MBD6: variants seen among roughly 807,000 people sequenced by gnomAD.
MBD6 encodes methyl-CpG-binding domain protein 6.
MBD6 carries 22 observed loss-of-function variants against 66.8 expected under a neutral mutation model. That is an observed-to-expected ratio of 0.33 (90% CI 0.24 to 0.47). MBD6 has a LOEUF of 0.47. Among genes scored for constraint, MBD6 ranks in the 20% least tolerant of loss-of-function variants. The pLI, the probability that MBD6 is intolerant of heterozygous loss-of-function variation, is 1.00. For missense variants in MBD6, 1,322 were observed against 1,286.9 expected (o/e 1.03, Z -0.42); for synonymous variants, 540 against 534.6 (o/e 1.01, Z -0.14).
rs1878998958 is a variant in MBD6, at chr12:57,526,758, T to C, written c.1613T>C (p.Leu538Pro). The change falls in exon 7 of 13, where the codon CTT becomes CCT. Residue 538 changes from leucine (L) to proline (P), a missense_variant. By Grantham distance (98) the Leu-to-Pro change is moderately conservative. Transcript: ENST00000355673. ...AGTGGAGCTGGCTTCCCTGGGATGC[T>C]TGGGGCCTTGCCTCTCCCTCTGAGT... Reference protein sequence around the residue: ...ALSGAGFPGMLGALPLPLSLG... With the variant: ...ALSGAGFPGMPGALPLPLSLG... The C allele has an allele frequency of 3.1e-6, 5 of 1,587,422 alleles. No homozygotes were observed. Among genetic ancestry groups the C allele is most frequent in the Admixed American group, 1.7e-5 (1 of 58,226 alleles).
chr12:57,527,698 G>GA, intron 8 of MBD6, 38 bp downstream of exon 8: 1 of 1,558,614 alleles, frequency 6.4e-7, no homozygotes, highest in Non-Finnish European at 8.7e-7. Context: ...CTCTTGGTGT[G>GA]AAAAAGCAGG....
At chr12:57,530,688 C>T, downstream of MBD6, 2 of 1,613,440 alleles carry the variant, frequency 1.2e-6, no homozygotes, top group South Asian at 2.2e-5. Context: ...CCCAAATGTG[C>T]TCACTTTCCC....
chr12:57,531,023 C>T (rs1382764952), downstream of MBD6, among the ~76,000 whole-genome samples: 2 of 152,170 alleles, frequency 1.3e-5, no homozygotes, highest in African/African-American at 4.8e-5. Flanking sequence ...TTTTTAAAAT[C>T]TGTTTTATGT....
At position 57,526,226 on chromosome 12, in the gene MBD6, A is replaced by C; in HGVS notation, c.1258A>C (p.Thr420Pro). Residue 420 changes from threonine to proline, a missense_variant, in exon 6 of 13, where the codon ACC becomes CCC. Thr to Pro is a conservative substitution (Grantham distance 38, BLOSUM62 -1). Coordinates refer to ENST00000355673, the MANE Select transcript of MBD6 (RefSeq NM_052897.4). The stretch of plus-strand genomic sequence containing the variant: ...TGTGCTGTCCCTGCTGGGACTCCCC[A>C]CCCCTGGCCCTTCCCACTCTGATGG... The part of the protein sequence containing the change: ...PSVLSLLGLP[T>P]PGPSHSDGSF... 6.2e-7 allele frequency: 1 copy of C among 1,612,814 alleles called. No homozygotes were observed. The highest frequency in any genetic ancestry group is 1.1e-5 in the South Asian group (1 of 91,036).
chr12:57,527,286 G>A (rs1403778739), intron 7 of MBD6, 59 bp downstream of exon 7: 5 of 1,219,118 alleles, frequency 4.1e-6, no homozygotes, highest in Non-Finnish European at 5.6e-6. Context: ...GATGGGAGCT[G>A]GGAATCAAAA....
chr12:57,525,452 G>A lies in MBD6; in HGVS notation c.484G>A (p.Gly162Ser). The A allele has an allele frequency of 1.3e-6, 2 of 1,536,912 alleles. No homozygotes were observed. The highest frequency in any genetic ancestry group is 2.6e-5 in the South Asian group (2 of 77,078). Residue 162 changes from glycine to serine, a missense_variant, in exon 6 of 13, where the codon GGC becomes AGC. Physicochemically the swap from Gly to Ser is moderately conservative, Grantham distance 56. Transcript: ENST00000355673. ...TACAACTCCACTTAATGGGGGTCCT[G>A]GCTCCCTTCCCCCAGAACCACCCTC... ...PPTTPLNGGP[G>S]SLPPEPPSVS...
chr12:57,525,436 A>G lies in MBD6; in HGVS notation c.468A>G (p.Pro156=). The part of the protein sequence containing the change: ...RPPCRVPPTT[P]LNGGPGSLPP... ...CCTGTCGAGTTCCTCCTACAACTCC[A>G]CTTAATGGGGGTCCTGGCTCCCTTC... Residue 156 remains proline (P), a synonymous_variant, in exon 6 of 13, where the codon CCA becomes CCG. Transcript: ENST00000355673. 6.5e-7 allele frequency: 1 copy of G among 1,534,118 alleles called. No individual in the cohort carries two copies. The highest frequency in any genetic ancestry group is 1.3e-5 in the South Asian group (1 of 76,644).
rs1403350446 is a variant in MBD6 at position 57,528,182 on chromosome 12, C to T, written c.2442C>T (p.Pro814=). 1 of 1,609,646 alleles carries T rather than the reference C, an allele frequency of 6.2e-7. No individual in the cohort carries two copies. Among genetic ancestry groups the T allele is most frequent in the South Asian group, 1.1e-5 (1 of 90,822 alleles). Residue 814 remains proline (P), a synonymous_variant, in exon 10 of 13, where the codon CCC becomes CCT. Transcript: ENST00000355673. Reference sequence around the variant, plus strand: ...AGCAGCCAGAAGCCCCCTGTCTACCCCCCGAGAGCCCTGCCTCAGCCCTCG... The same window carrying T: ...AGCAGCCAGAAGCCCCCTGTCTACCTCCCGAGAGCCCTGCCTCAGCCCTCG... ...PPEQPEAPCL[P]PESPASALEP...
Position 57,528,023 on chromosome 12 carries a change from G to A in MBD6, c.2406+6G>A, listed in dbSNP as rs374480828. ...GCCTGCTACAGAGTCTCCAGGTGAG[G>A]GTGTGGGCATATATTTGTCAGGGAG... On this transcript the variant is annotated splice_donor_region_variant and intron_variant, in intron 9 of 12. Transcript: ENST00000355673. The A allele has an allele frequency of 3.3e-6, 5 of 1,534,206 alleles. No homozygotes were observed. The African/African-American group carries it at 5.6e-5, about 17-fold the overall frequency.
chr12:57,524,920 T>C, intron 4 of MBD6, 33 bp from the exon 5 acceptor site: 3 of 1,603,074 alleles, frequency 1.9e-6, no homozygotes, highest in Non-Finnish European at 8.5e-7. Context: ...TTCCAGCCCC[T>C]CAGGGTCCCT....
chr12:57,529,034 G>A lies in MBD6; in HGVS notation c.2937+25G>A, dbSNP rs767536353. The A allele has an allele frequency of 3.7e-6, 6 of 1,613,942 alleles. No homozygotes were observed. The African/African-American group carries it at 5.3e-5, about 14-fold the overall frequency. On this transcript the variant is annotated intron_variant, in intron 12 of 12. Transcript: ENST00000355673. ...AGTAAGTGTGTGTTTGGGTGGATGG[G>A]TGGATGGGTAGGGTGTAAGGGATGA...
chr12:57,524,939 T>G lies in MBD6; in HGVS notation c.217-14T>G, dbSNP rs1291804210. The G allele has an allele frequency of 1.2e-6, 2 of 1,600,540 alleles. No homozygotes were observed. Among genetic ancestry groups the G allele is most frequent in the East Asian group, 4.5e-5 (2 of 44,642 alleles). ...AGCCCCTCAGGGTCCCTGTCCTTGC[T>G]TTCCACCTTACAGGTTTTCAACTTT... On this transcript the variant is annotated splice_polypyrimidine_tract_variant and intron_variant, in intron 4 of 12. Transcript: ENST00000355673.
At position 57,529,586 on chromosome 12, in the gene MBD6, G is replaced by A. The variant is rs952677101; in HGVS notation, c.*352G>A. The A allele has an allele frequency of 4.8e-6, 1 of 209,110 alleles. No homozygotes were observed. The highest frequency in any genetic ancestry group is 1.0e-4 in the South Asian group (1 of 9,910). The allele number at this position is 209,110 out of a possible 1,614,324, so 13.0% of individuals were successfully genotyped here. A position where few individuals can be genotyped will look rare whatever the true frequency, so the allele number is the denominator to read the frequency against. Reference sequence around the variant, plus strand: ...CAAATGACTCTTTTATATTTAATTCGATTTCATTGCCTCCCTTCTTAAAGC... The same window carrying A: ...CAAATGACTCTTTTATATTTAATTCAATTTCATTGCCTCCCTTCTTAAAGC... On this transcript the variant is annotated 3_prime_UTR_variant, in exon 13 of 13. Transcript: ENST00000355673.
rs1196615323 is a variant in MBD6, at chr12:57,528,703, G to A, written c.2858G>A (p.Arg953His). 14 of 1,614,080 alleles carry A rather than the reference G, an allele frequency of 8.7e-6. No individual in the cohort carries two copies. The highest frequency in any genetic ancestry group is 1.0e-5 in the Non-Finnish European group (12 of 1,180,044). Residue 953 changes from arginine to histidine, a missense_variant, in exon 11 of 13, where the codon CGT becomes CAT. Transcript: ENST00000355673. ...GTAGTCAGAAAGTCTCGTCGTGGCC[G>A]TAGGAGAAAATACAAGTGAGTGTTG... ...PGVVRKSRRG[R>H]RRKYNPTRNS...
upstream of MBD6, among the ~76,000 whole-genome samples, chr12:57,522,529 C>T (rs1208040200): frequency 1.3e-5 from 2 of 149,396 alleles, no homozygotes; most frequent in Non-Finnish European, 3.0e-5. Flanking sequence ...CACCAGTGGC[C>T]TGGGAAGAGG....
rs1176611618 is a variant in MBD6 at position 57,529,918 on chromosome 12, C to T, written c.*684C>T. 2 of 152,874 alleles carry T rather than the reference C, an allele frequency of 1.3e-5. No homozygotes were observed. The highest frequency in any genetic ancestry group is 1.3e-4 in the Admixed American group (2 of 15,300). 9.5% of individuals were successfully genotyped at this position (152,874 alleles called of 1,614,324 possible). On this transcript the variant is annotated 3_prime_UTR_variant, in exon 13 of 13. Coordinates refer to ENST00000355673, the MANE Select transcript of MBD6 (RefSeq NM_052897.4). ...ACACACTACACTGCCCCTTCTCCCC[C>T]CATCAAAACGCTCAGAGACGTTGTG...
Position 57,526,408 on chromosome 12 carries a change from C to G in MBD6, c.1420+20C>G. On this transcript the variant is annotated intron_variant, in intron 6 of 12. Coordinates refer to ENST00000355673, the MANE Select transcript of MBD6 (RefSeq NM_052897.4). ...TGCCAGGTATGTGAGTATTGTGGAGCCCTTCCTCATCCTGGCTGGAAAGAG... is the reference window on the plus strand; with the variant it reads ...TGCCAGGTATGTGAGTATTGTGGAGGCCTTCCTCATCCTGGCTGGAAAGAG... 1 of 1,549,368 alleles carries G rather than the reference C, an allele frequency of 6.5e-7. No individual in the cohort carries two copies. The highest frequency in any genetic ancestry group is 8.7e-7 in the Non-Finnish European group (1 of 1,147,740).
At chr12:57,528,619 G>C (rs1487825444) in intron 10 of MBD6, 47 bp from the exon 11 acceptor site, 1 of 1,613,516 alleles carries the variant, frequency 6.2e-7, no homozygotes, top group Non-Finnish European at 8.5e-7. Context: ...TTGGGGCTTT[G>C]GAGCCTTTTT....
At chr12:57,522,759 A>ACGGCGGCGACGGCGGCGGCGG (rs1555170200), upstream of MBD6, 2 of 153,606 alleles carry the variant, frequency 1.3e-5, no homozygotes, top group Non-Finnish European at 2.8e-5. Flanking sequence ...TGCGGCAGCG[A>ACGGCGGCGACGGCGGCGGCGG]CGGCGGCGGC....
Sources: allele counts gnomAD v4.1 joint callset (sites outside exome capture counted in the v4.1 genomes callset), GRCh38; gene constraint gnomAD v4.1.1; transcripts MANE v1.5; gene names NCBI Gene and HGNC (gene_info 2026-07-23, HGNC 2026-07-21).